The following ILDR1 variants were observed in gnomAD, a reference collection of about 807,000 sequenced individuals.
ILDR1 encodes immunoglobulin like domain containing receptor 1.
Under a neutral mutation model 62.4 loss-of-function variants are expected in ILDR1, and 56 were observed. The ratio of observed to expected loss-of-function variants is 0.90; its 90% confidence interval spans 0.72 to 1.12. The LOEUF (loss-of-function observed/expected upper bound fraction) is 1.12. Ranked by LOEUF, ILDR1 falls within the 50% of genes most tolerant of loss-of-function variation. ILDR1 has a pLI of 0.00. For synonymous variants in ILDR1, 284 were observed against 277.8 expected (o/e 1.02, Z -0.22); for missense variants, 736 against 710.6 (o/e 1.04, Z -0.41).
Position 122,006,902 on chromosome 3 carries a change from G to A in ILDR1, c.229+89C>T, listed in dbSNP as rs934435389. On this transcript the variant is annotated intron_variant, in intron 2 of 7. Coordinates refer to ENST00000344209, the MANE Select transcript of ILDR1 (RefSeq NM_001199799.2). ...TGTCTTCTCCTCACTACCAAGATTT[G>A]TAATCCTAAATAATCCCTCAACCCT... 5 of 1,395,166 alleles carry A rather than the reference G, an allele frequency of 3.6e-6. No homozygotes were observed. In the African/African-American group the frequency reaches 5.7e-5, roughly 16 times the overall value. The allele number at this position is 1,395,166 out of a possible 1,614,324, so 86.4% of individuals were successfully genotyped here. A position where few individuals can be genotyped will look rare whatever the true frequency, so the allele number is the denominator to read the frequency against.
Position 122,001,429 on chromosome 3 carries a change from G to A in ILDR1, c.525C>T (p.Ile175=). ...VLHWLTVIFI[I]LGALLLLLLI... ...GCAGCAGGAGGAGGAGGGCTCCCAGGATGATGAAGATCACTGTCAGCCAGT... is the reference window on the plus strand; with the variant it reads ...GCAGCAGGAGGAGGAGGGCTCCCAGAATGATGAAGATCACTGTCAGCCAGT... The change falls in exon 5 of 8, where the codon ATC becomes ATT. Residue 175 remains isoleucine (I), a synonymous_variant. Transcript: ENST00000344209. 3 of 1,614,146 alleles carry A rather than the reference G, an allele frequency of 1.9e-6. No individual in the cohort carries two copies. Among genetic ancestry groups the A allele is most frequent in the South Asian group, 2.2e-5 (2 of 91,084 alleles).
chr3:122,056,627 C>A, the ILDR1 span, among the ~76,000 whole-genome samples: 1 of 152,192 alleles, frequency 6.6e-6, no homozygotes, highest in Non-Finnish European at 1.5e-5. Flanking sequence ...CCACCGCGCA[C>A]CCGGCCGTCA....
chr3:121,993,307 G>A lies in ILDR1; in HGVS notation c.1442C>T (p.Ser481Phe). Residue 481 changes from serine to phenylalanine, a missense_variant, in exon 7 of 8, where the codon TCT becomes TTT. By Grantham distance (155) the Ser-to-Phe change is radical. Transcript: ENST00000344209. ...GGGCTGCCTCTCCTTGTCCTCTTCA[G>A]AGCTCCAGGAACTGAGGCCGGAGGG... is the stretch of plus-strand genomic sequence containing the variant. ...PLPSGLSSWS[S>F]EEDKERQPQS... The A allele has an allele frequency of 6.2e-7, 1 of 1,612,704 alleles. No homozygotes were observed. The highest frequency in any genetic ancestry group is 2.2e-5 in the East Asian group (1 of 44,858).
At chr3:122,003,212 T>C (rs931814212) in intron 3 of ILDR1, among the ~76,000 whole-genome samples, 43 of 152,182 alleles carry the variant, frequency 2.8e-4, no homozygotes, top group African/African-American at 1.0e-3. Context: ...CCTGCTAGGT[T>C]GGTGGTAATA....
chr3:121,987,345 G>A lies in ILDR1; in HGVS notation c.*1022C>T, dbSNP rs1377876118. 1.3e-5 allele frequency: 2 copies of A among 151,988 alleles called. No homozygotes were observed. The highest frequency in any genetic ancestry group is 2.9e-5 in the Non-Finnish European group (2 of 68,026). 9.4% of individuals were successfully genotyped at this position (151,988 alleles called of 1,614,324 possible). A position where few individuals can be genotyped will look rare whatever the true frequency, so the allele number is the denominator to read the frequency against. On this transcript the variant is annotated 3_prime_UTR_variant, in exon 8 of 8. Transcript: ENST00000344209. ...AAGTAGGAAAGCAGATATTTATTTG[G>A]AGCAGCATGCTCAGCTTGGCATGTT...
At chr3:122,046,722 G>C in the ILDR1 span, among the ~76,000 whole-genome samples, 2 of 136,898 alleles carry the variant, frequency 1.5e-5, no homozygotes, top group African/African-American at 5.5e-5. Context: ...GGCTCCTGAG[G>C]CTTCTGCATT....
chr3:121,993,732 C>A lies in ILDR1; in HGVS notation c.1017G>T (p.Leu339=), dbSNP rs377475296. Residue 339 remains leucine (L), a synonymous_variant, in exon 7 of 8, where the codon CTG becomes CTT. Coordinates refer to ENST00000344209, the MANE Select transcript of ILDR1 (RefSeq NM_001199799.2). ...IIHLPPLIRD[L]SSSRRTSDSL... ...AGTCACTGGTCCTCCTTGAGGATGA[C>A]AGGTCTCTGATCAGTGGGGGCAGGT... 1.8e-5 allele frequency: 29 copies of A among 1,614,156 alleles called. No individual in the cohort carries two copies. The African/African-American group carries it at 3.7e-4, about 21-fold the overall frequency.
the ILDR1 span, among the ~76,000 whole-genome samples, chr3:122,060,680 T>C: frequency 6.6e-6 from 1 of 152,158 alleles, no homozygotes; most frequent in South Asian, 2.1e-4. Context: ...AATCCAATAC[T>C]TTATTTTTCC....
chr3:122,052,486 T>C, the ILDR1 span, among the ~76,000 whole-genome samples: 1 of 152,062 alleles, frequency 6.6e-6, no homozygotes, highest in East Asian at 1.9e-4. Context: ...GCATCTAGAG[T>C]ATGGTGGGTC....
chr3:122,014,254 AG>A (rs2071746733), intron 1 of ILDR1, among the ~76,000 whole-genome samples: 2 of 152,268 alleles, frequency 1.3e-5, no homozygotes, highest in African/African-American at 4.8e-5. Context: ...TCAAGTAAAA[AG>A]TTCCTCCTTG....
At chr3:122,030,623 T>C in the ILDR1 span, among the ~76,000 whole-genome samples, 2,240 of 147,610 alleles carry the variant, frequency 0.015, 31 homozygotes, top group East Asian at 0.076. Context: ...GCAAGGGTTT[T>C]TCTCTCTCTC....
In ILDR1 at chr3:122,005,899, CAAAACA is replaced by C. The variant is rs1191190158; in HGVS notation, c.230-512_230-507del. Among the ~76,000 whole-genome samples, 410 of 142,078 alleles carry C rather than the reference CAAAACA, an allele frequency of 2.9e-3. 1 individual carries two copies. The highest frequency in any genetic ancestry group is 4.8e-3 in the African/African-American group (174 of 35,994). The allele number at this position is 142,078 out of a possible 152,430, so 93.2% of individuals were successfully genotyped here. A position where few individuals can be genotyped will look rare whatever the true frequency, so the allele number is the denominator to read the frequency against. On this transcript the variant is annotated intron_variant, in intron 2 of 7. Coordinates refer to ENST00000344209, the MANE Select transcript of ILDR1 (RefSeq NM_001199799.2). The stretch of plus-strand genomic sequence containing the variant: ...GGGCAACAAGAGCGAAACTCCATCT[CAAAACA>C]AAAACAAAAACAAAAACAAAAACAA...
rs945396116 is a variant in ILDR1, at chr3:121,994,239, C to G, written c.721G>C (p.Gly241Arg). 1.3e-6 allele frequency: 2 copies of G among 1,536,092 alleles called. No homozygotes were observed. Among genetic ancestry groups the G allele is most frequent in the African/African-American group, 2.7e-5 (2 of 73,148 alleles). ...GAAACCTGGGAGCTCCTGTCCGCCC[C>G]CCAGTACAGGGGTTTTCCCATCATC... is the stretch of plus-strand genomic sequence containing the variant. ...PQMMGKPLYWGADRSSQVSSY... is the reference protein window; with the variant it reads ...PQMMGKPLYWRADRSSQVSSY... Residue 241 changes from glycine (G) to arginine (R), a missense_variant, in exon 6 of 8, where the codon GGG becomes CGG. Gly to Arg is a moderately radical substitution (Grantham distance 125). Coordinates refer to ENST00000344209, the MANE Select transcript of ILDR1 (RefSeq NM_001199799.2).
chr3:121,997,003 C>T (rs762710606), intron 5 of ILDR1, among the ~76,000 whole-genome samples: 2 of 152,138 alleles, frequency 1.3e-5, no homozygotes, highest in South Asian at 2.1e-4. Context: ...GGGGTTCAAG[C>T]GATTCTTCTG....
At chr3:122,001,168 C>A in intron 5 of ILDR1, 140 bp downstream of exon 5, 2 of 994,056 alleles carry the variant, frequency 2.0e-6, no homozygotes, top group South Asian at 2.9e-5. Flanking sequence ...AGGGCTGAGG[C>A]TAATGTCCTC....
the ILDR1 span, among the ~76,000 whole-genome samples, chr3:122,057,165 T>C: frequency 2.0e-5 from 3 of 152,224 alleles, no homozygotes; most frequent in Non-Finnish European, 4.4e-5. Context: ...AGTGGTGATA[T>C]CATCTTTCTG....
At chr3:122,035,232 A>G in the ILDR1 span, among the ~76,000 whole-genome samples, 13 of 152,136 alleles carry the variant, frequency 8.5e-5, no homozygotes, top group African/African-American at 3.1e-4. Flanking sequence ...ACCCATTGCC[A>G]CTGGGGGAGG....
intron 2 of ILDR1, among the ~76,000 whole-genome samples, 162 bp downstream of exon 2, chr3:122,006,829 T>A (rs2071618690): frequency 6.6e-6 from 1 of 152,172 alleles, no homozygotes; most frequent in African/African-American, 2.4e-5. Context: ...CTACCTGGGC[T>A]CCGTTTGTTT....
Position 121,993,930 on chromosome 3 carries a change from G to A in ILDR1, c.819C>T (p.Thr273=), listed in dbSNP as rs375517664. 2.5e-6 allele frequency: 4 copies of A among 1,613,056 alleles called. No individual in the cohort carries two copies. In the African/African-American group the frequency reaches 5.3e-5, roughly 22 times the overall value. ...LPSSLPQMPM[T]QTTNQPPIAN... is the part of the protein sequence containing the mutation. ...CGATGGGAGGCTGATTGGTGGTCTG[G>A]GTCATTGGCATCTGCGGGAGGCTGG... is the stretch of plus-strand genomic sequence containing the variant. Residue 273 remains threonine, a synonymous_variant, in exon 7 of 8, where the codon ACC becomes ACT. Transcript: ENST00000344209.
Sources: allele counts gnomAD v4.1 joint callset (sites outside exome capture counted in the v4.1 genomes callset), GRCh38; gene constraint gnomAD v4.1.1; transcripts MANE v1.5; gene names NCBI Gene and HGNC (gene_info 2026-07-23, HGNC 2026-07-21).